The following ABCA13 variants were observed in gnomAD, a reference collection of about 807,000 sequenced individuals.
ABCA13 encodes the protein ATP binding cassette subfamily A member 13.
In ABCA13, 476 loss-of-function variants were observed where a neutral mutation model predicts 478.7. The ratio of observed to expected loss-of-function variants is 0.99; its 90% CI spans 0.92 to 1.07. The LOEUF is 1.07. Among genes scored for constraint, ABCA13 ranks in the 50% least tolerant of loss-of-function variants. ABCA13 has a pLI of 0.00. For missense variants in ABCA13, 6,060 were observed against 5,910.6 expected (o/e 1.03, Z -0.83); for synonymous variants, 2,252 against 2,158.9 (o/e 1.04, Z -1.20).
In ABCA13 at chr7:48,278,107, G is replaced by C. The variant is rs776363780; in HGVS notation, c.6913G>C (p.Asp2305His). 13 of 1,302,266 alleles carry C rather than the reference G, an allele frequency of 1.0e-5. No homozygotes were observed. In the East Asian group the frequency reaches 3.4e-4, roughly 34 times the overall value. 80.7% of individuals were successfully genotyped at this position (1,302,266 alleles called of 1,614,324 possible). ...VIAEMSFVPK[D>H]KILEILKLDQ... ...ATATATTTACAGTTTTGTCCCAAAA[G>C]ATAAAATTCTAGAAATTCTGAAACT... Residue 2305 changes from aspartate (D) to histidine (H), a missense_variant, in exon 18 of 62, where the codon GAT (aspartate) becomes CAT (histidine). By Grantham distance (81) the Asp-to-His change is moderately conservative. This residue lies in a region of ABCA13 where 4,423 missense variants were observed against 4,309.1 expected (regional missense o/e 1.03). Coordinates refer to ENST00000435803, the MANE Select transcript of ABCA13 (RefSeq NM_152701.5).
chr7:48,430,221 G>A lies in ABCA13; in HGVS notation c.12565+2350G>A, dbSNP rs186343085. ...TGATTAATTCAAATATTTAATTGATGTAGGGCTATTAGATTATCTATATTT... is the reference window on the plus strand; with the variant it reads ...TGATTAATTCAAATATTTAATTGATATAGGGCTATTAGATTATCTATATTT... On this transcript the variant is annotated intron_variant, in intron 42 of 61. Coordinates refer to ENST00000435803, the MANE Select transcript of ABCA13 (RefSeq NM_152701.5). Among the ~76,000 whole-genome samples, 14 of 152,266 alleles carry A rather than the reference G, an allele frequency of 9.2e-5. No individual in the cohort carries two copies. The East Asian group carries it at 2.7e-3, about 29-fold the overall frequency.
intron 15 of ABCA13, among the ~76,000 whole-genome samples, chr7:48,249,578 A>G (rs1792218601): frequency 6.6e-6 from 1 of 152,188 alleles, no homozygotes; most frequent in Admixed American, 6.5e-5. Flanking sequence ...TGCAAAATTT[A>G]TAATAGTGAC....
At chr7:48,382,674 T>G (rs1814574908) in intron 35 of ABCA13, among the ~76,000 whole-genome samples, 1 of 152,124 alleles carries the variant, frequency 6.6e-6, no homozygotes, top group Non-Finnish European at 1.5e-5. Context: ...TCATTCTCAT[T>G]CCTTTTTCTT....
At chr7:48,244,157 C>G (rs1526099) in intron 10 of ABCA13, among the ~76,000 whole-genome samples, 78,693 of 152,094 alleles carry the variant, frequency 0.52, 21,065 homozygotes, top group East Asian at 0.83. Context: ...CCAATTGGCT[C>G]AAGTTGGGAC....
chr7:48,271,929 C>G lies in ABCA13; in HGVS notation c.2263C>G (p.Pro755Ala). The change falls in exon 17 of 62, where the codon CCC becomes GCC. Residue 755 changes from proline (P) to alanine (A), a missense_variant. Transcript: ENST00000435803. ...TAATCTTTTTGACTCCTCCATTGTT[C>G]CCAGTTTCCACAGCCTCCCATCTCT... ...LPNLFDSSIV[P>A]SFHSLPSLTE... The G allele has an allele frequency of 6.2e-7, 1 of 1,613,424 alleles. No homozygotes were observed.
chr7:48,194,446 T>C (rs938692453), intron 2 of ABCA13, among the ~76,000 whole-genome samples: 1 of 152,072 alleles, frequency 6.6e-6, no homozygotes, highest in African/African-American at 2.4e-5. Flanking sequence ...GATTACTATG[T>C]TGATGCTATC....
chr7:48,554,976 T>C (rs1286382555), intron 55 of ABCA13, among the ~76,000 whole-genome samples: 1 of 151,702 alleles, frequency 6.6e-6, no homozygotes, highest in Non-Finnish European at 1.5e-5. Flanking sequence ...TAGCTGTGGG[T>C]CTGTTGTATA....
intron 39 of ABCA13, among the ~76,000 whole-genome samples, chr7:48,409,612 C>T (rs563278902): frequency 6.6e-6 from 1 of 152,288 alleles, no homozygotes; most frequent in South Asian, 2.1e-4. Context: ...ATAATGAATA[C>T]ATGTGGTTAC....
At chr7:48,633,927 GATAC>G (rs1410349330) in intron 59 of ABCA13, among the ~76,000 whole-genome samples, 1 of 108,164 alleles carries the variant, frequency 9.2e-6, no homozygotes, top group Non-Finnish European at 1.9e-5. Flanking sequence ...TAGATAGATA[GATAC>G]ATAGATAGAT....
At chr7:48,285,858 AC>A (rs1797664560) in intron 19 of ABCA13, among the ~76,000 whole-genome samples, 1 of 152,218 alleles carries the variant, frequency 6.6e-6, no homozygotes, top group Non-Finnish European at 1.5e-5. Flanking sequence ...TACTTAAGTG[AC>A]ACATTTTATA....
intron 55 of ABCA13, among the ~76,000 whole-genome samples, chr7:48,575,894 T>C (rs1202162251): frequency 1.3e-5 from 2 of 152,096 alleles, no homozygotes; most frequent in Non-Finnish European, 2.9e-5. Context: ...GGGGACCCCC[T>C]ACACCCATGG....
chr7:48,599,474 A>C (rs1176248322), intron 58 of ABCA13, among the ~76,000 whole-genome samples: 3 of 152,154 alleles, frequency 2.0e-5, no homozygotes, highest in Non-Finnish European at 4.4e-5. Context: ...TCTGAATAGA[A>C]GTCCCTTGCT....
rs562331783 is a variant in ABCA13, at chr7:48,598,631, T to C, written c.14744+3818T>C. Among the ~76,000 whole-genome samples, 12 of 152,296 alleles carry C rather than the reference T, an allele frequency of 7.9e-5. No individual in the cohort carries two copies. In the South Asian group the frequency reaches 2.3e-3, roughly 29 times the overall value. ...TTTGCAAATATGTATTTCCAGTCTA[T>C]GGCTGTCTTTCCATTTTATTAATAA... On this transcript the variant is annotated intron_variant, in intron 58 of 61. Coordinates refer to ENST00000435803, the MANE Select transcript of ABCA13 (RefSeq NM_152701.5).
intron 55 of ABCA13, among the ~76,000 whole-genome samples, chr7:48,553,797 A>G (rs888956713): frequency 5.9e-5 from 9 of 151,992 alleles, no homozygotes; most frequent in Non-Finnish European, 1.2e-4. Flanking sequence ...TTTCCAGTGC[A>G]GAAGTTTTTT....
intron 58 of ABCA13, among the ~76,000 whole-genome samples, chr7:48,604,798 C>G (rs140154585): frequency 0.013 from 2,027 of 152,234 alleles, 32 homozygotes; most frequent in Non-Finnish European, 0.018. Context: ...TTTTCTGTCT[C>G]AGTGATCTGT....
chr7:48,543,478 G>T (rs778777660), intron 55 of ABCA13, among the ~76,000 whole-genome samples: 2 of 151,322 alleles, frequency 1.3e-5, no homozygotes, highest in Admixed American at 1.3e-4. Flanking sequence ...ACAAAAATTG[G>T]CTGAGCATGG....
intron 27 of ABCA13, among the ~76,000 whole-genome samples, chr7:48,319,892 T>C (rs140218392): frequency 6.6e-6 from 1 of 152,242 alleles, no homozygotes; most frequent in Non-Finnish European, 1.5e-5. Flanking sequence ...GGGGGATGCA[T>C]CAGAATTACC....
intron 29 of ABCA13, among the ~76,000 whole-genome samples, chr7:48,339,023 T>G (rs1002066274): frequency 1.3e-5 from 2 of 152,152 alleles, no homozygotes; most frequent in African/African-American, 4.8e-5. Flanking sequence ...GCTTAGAAAC[T>G]GCAACACTGT....
intron 42 of ABCA13, among the ~76,000 whole-genome samples, chr7:48,450,638 A>G (rs1824877856): frequency 6.6e-6 from 1 of 152,132 alleles, no homozygotes; most frequent in Non-Finnish European, 1.5e-5. Context: ...AACATTTTTC[A>G]TCTGATATAT....
Sources: gnomAD v4.1 joint callset for allele counts (sites outside exome capture counted in the v4.1 genomes callset) on GRCh38, gnomAD v4.1.1 for gene constraint, gnomAD v4.1.1 regional missense constraint, MANE v1.5 for transcripts, NCBI Gene and HGNC (gene_info 2026-07-23, HGNC 2026-07-21) for gene names.